Variants in LYPD5 observed in about 807,000 individuals in gnomAD.
LYPD5 encodes the protein LY6/PLAUR domain containing 5, also known as ly6/PLAUR domain-containing protein 5.
A neutral mutation model predicts 19.1 loss-of-function variants in LYPD5; 21 were observed. The ratio of observed to expected loss-of-function variants is 1.10; its 90% CI spans 0.78 to 1.58. The LOEUF is 1.58. Among genes scored for constraint, LYPD5 ranks in the 40% most tolerant of loss-of-function variants. LYPD5 has a pLI of 0.00. For missense variants in LYPD5, 287 were observed against 329.8 expected (o/e 0.87, Z 1.00); for synonymous variants, 128 against 142.7 (o/e 0.90, Z 0.74).
chr19:43,819,247 C>CTTCAT (rs1252310861), intron 1 of LYPD5, among the ~76,000 whole-genome samples: 1 of 147,180 alleles, frequency 6.8e-6, no homozygotes, highest in African/African-American at 2.5e-5. Flanking sequence ...TGGACATAGC[C>CTTCAT]TTCATTCTTT....
At chr19:43,815,816 C>A (rs1242508163) in intron 1 of LYPD5, 6 of 356,786 alleles carry the variant, frequency 1.7e-5, no homozygotes, top group Non-Finnish European at 3.2e-5. Context: ...CAGCTCACTG[C>A]AACCTCTGCT....
chr19:43,797,425 T>A lies in LYPD5; in HGVS notation c.*166A>T. 1 of 639,518 alleles carries A rather than the reference T, an allele frequency of 1.6e-6. No homozygotes were observed. Among genetic ancestry groups the A allele is most frequent in the Non-Finnish European group, 2.7e-6 (1 of 369,866 alleles). 39.6% of individuals were successfully genotyped at this position (639,518 alleles called of 1,614,324 possible). A position where few individuals can be genotyped will look rare whatever the true frequency, so the allele number is the denominator to read the frequency against. On this transcript the variant is annotated 3_prime_UTR_variant, in exon 5 of 5. Coordinates refer to ENST00000377950, the MANE Select transcript of LYPD5 (RefSeq NM_001031749.3). ...GGTGACTGTGTCCAGTTTCTTCCAG[T>A]ACTGTTGGCCAGGTTGTGGGGCACA...
At chr19:43,812,326 G>C (rs997210994) in intron 1 of LYPD5, among the ~76,000 whole-genome samples, 1 of 128,368 alleles carries the variant, frequency 7.8e-6, no homozygotes, top group East Asian at 2.6e-4. Flanking sequence ...AATGATTTGT[G>C]GTTATTTTTT....
At chr19:43,799,920 CACG>C in intron 1 of LYPD5, 86 bp from the exon 2 acceptor site, 1 of 1,469,452 alleles carries the variant, frequency 6.8e-7, no homozygotes. Context: ...ATGACAGGCA[CACG>C]GGCCTGGCCC....
upstream of LYPD5, among the ~76,000 whole-genome samples, chr19:43,806,173 C>T (rs1298145957): frequency 3.3e-5 from 5 of 152,208 alleles, no homozygotes; most frequent in Middle Eastern, 6.3e-3. Context: ...TTTACAGCCT[C>T]TCCCCATTAC....
In LYPD5 at chr19:43,796,998, C is replaced by T. The variant is rs1970139582; in HGVS notation, c.*593G>A. On this transcript the variant is annotated 3_prime_UTR_variant, in exon 5 of 5. Transcript: ENST00000377950. ...GATTTGAACCCATGCAGCTTAGCTC[C>T]AGAGCCTGGCTTAAGTAACTCACCC... 6.6e-6 allele frequency: 1 copy of T among 152,188 alleles called. No individual in the cohort carries two copies. The highest frequency in any genetic ancestry group is 6.5e-5 in the Admixed American group (1 of 15,274). 9.4% of individuals were successfully genotyped at this position (152,188 alleles called of 1,614,324 possible). A position where few individuals can be genotyped will look rare whatever the true frequency, so the allele number is the denominator to read the frequency against.
At chr19:43,812,343 A>ATCTATCTG (rs959512355) in intron 1 of LYPD5, among the ~76,000 whole-genome samples, 3 of 136,680 alleles carry the variant, frequency 2.2e-5, no homozygotes, top group East Asian at 2.0e-4. Context: ...TTTTCTATCT[A>ATCTATCTG]TCTATCTATC....
chr19:43,819,207 AT>A (rs1372947984), intron 1 of LYPD5, among the ~76,000 whole-genome samples: 1 of 148,042 alleles, frequency 6.8e-6, no homozygotes, highest in Non-Finnish European at 1.5e-5. Flanking sequence ...CTTTGTATTT[AT>A]TCTATTATTC....
At chr19:43,811,048 T>A (rs934225040) in intron 1 of LYPD5, among the ~76,000 whole-genome samples, 1 of 152,242 alleles carries the variant, frequency 6.6e-6, no homozygotes, top group Non-Finnish European at 1.5e-5. Context: ...AATATGTTCA[T>A]AAAGAATTAT....
chr19:43,816,060 ATC>A (rs1970372019), intron 1 of LYPD5, among the ~76,000 whole-genome samples: 1 of 151,822 alleles, frequency 6.6e-6, no homozygotes, highest in Non-Finnish European at 1.5e-5. Context: ...CTATCTATCT[ATC>A]TATCTATCTA....
rs1445578806 is a variant in LYPD5, at chr19:43,798,909, G to C, written c.273C>G (p.Asp91Glu). 2 of 1,600,058 alleles carry C rather than the reference G, an allele frequency of 1.2e-6. No homozygotes were observed. The highest frequency in any genetic ancestry group is 1.1e-5 in the South Asian group (1 of 88,638). Residue 91 changes from aspartate (D) to glutamate (E), a missense_variant, in exon 3 of 5, where the codon GAC (aspartate) becomes GAG (glutamate). Physicochemically the swap from Asp to Glu is conservative, Grantham distance 45. Transcript: ENST00000377950. ...PPAGQTQSNADALPPDYSVVR... is the reference protein window; with the variant it reads ...PPAGQTQSNAEALPPDYSVVR... ...CCACCGAGTAGTCTGGCGGCAGCGC[G>C]TCCGCGTTCGATTGCGTCTGGCCCG...
intron 1 of LYPD5, among the ~76,000 whole-genome samples, chr19:43,809,142 T>C (rs1262829064): frequency 1.7e-4 from 24 of 138,272 alleles, no homozygotes; most frequent in South Asian, 9.5e-4. Context: ...CGGGTTCAAG[T>C]GATTCTCCTG....
intron 1 of LYPD5, among the ~76,000 whole-genome samples, chr19:43,810,347 G>GT (rs1018326288): frequency 2.0e-5 from 3 of 151,532 alleles, no homozygotes; most frequent in Non-Finnish European, 2.9e-5. Flanking sequence ...ATAGTCGTGT[G>GT]TTTTTTTTAG....
exon 1 of LYPD5, chr19:43,820,567 G>A: frequency 6.6e-6 from 1 of 152,272 alleles, no homozygotes; most frequent in Non-Finnish European, 1.5e-5. Context: ...GCATGAGTCC[G>A]CAACGCCCTC....
chr19:43,810,782 C>T (rs1164805166), intron 1 of LYPD5, among the ~76,000 whole-genome samples: 1 of 151,908 alleles, frequency 6.6e-6, no homozygotes, highest in South Asian at 2.1e-4. Flanking sequence ...GGGCCTGCCA[C>T]CACGCCTGGC....
chr19:43,803,818 T>C (rs894780783), upstream of LYPD5, among the ~76,000 whole-genome samples: 86 of 152,170 alleles, frequency 5.7e-4, 1 homozygote, highest in African/African-American at 1.7e-3. Context: ...TGCAAATTCT[T>C]TCTCTGCTCC....
rs1742107612 is a variant in LYPD5 at position 43,797,916 on chromosome 19, C to T, written c.518-87G>A. The T allele has an allele frequency of 4.8e-6, 5 of 1,050,978 alleles. No individual in the cohort carries two copies. In the South Asian group the frequency reaches 5.8e-5, roughly 12 times the overall value. 65.1% of individuals were successfully genotyped at this position (1,050,978 alleles called of 1,614,324 possible). Reference sequence around the variant, plus strand: ...TTCACCTTGGTAGCTAGGGCCATGCCTCGGTCCTCAGACTTGCTTCAGGTT... The same window carrying T: ...TTCACCTTGGTAGCTAGGGCCATGCTTCGGTCCTCAGACTTGCTTCAGGTT... On this transcript the variant is annotated intron_variant, in intron 4 of 4. Transcript: ENST00000377950.
chr19:43,820,038 C>G (rs1194417677), intron 1 of LYPD5, among the ~76,000 whole-genome samples: 1 of 152,124 alleles, frequency 6.6e-6, no homozygotes, highest in African/African-American at 2.4e-5. Context: ...GCTCGATTGT[C>G]TAGGGCACAC....
At position 43,798,598 on chromosome 19, in the gene LYPD5, G is replaced by C. The variant is rs755942581; in HGVS notation, c.374C>G (p.Pro125Arg). ...HDALPNLSQA[P>R]DPPTLSGAEC... ...GGCGCCGCTGAGCGTCGGCGGGTCG[G>C]GTGCTGGCAAGAGAGCGTAGATGCA... Residue 125 changes from proline (P) to arginine (R), a missense_variant, in exon 4 of 5, where the codon CCC becomes CGC. Physicochemically the swap from Pro to Arg is moderately radical, Grantham distance 103. Coordinates refer to ENST00000377950, the MANE Select transcript of LYPD5 (RefSeq NM_001031749.3). 1 of 1,610,088 alleles carries C rather than the reference G, an allele frequency of 6.2e-7. No homozygotes were observed. The highest frequency in any genetic ancestry group is 1.1e-5 in the South Asian group (1 of 91,080).
Sources: gnomAD v4.1 joint callset for allele counts (sites outside exome capture counted in the v4.1 genomes callset) on GRCh38, gnomAD v4.1.1 for gene constraint, MANE v1.5 for transcripts, NCBI Gene and HGNC (gene_info 2026-07-23, HGNC 2026-07-21) for gene names.